Variants in NOMO1 observed in about 807,000 individuals in gnomAD.
NOMO1 encodes the protein nodal modulator 3.
In NOMO1, 40 loss-of-function variants were observed where a neutral mutation model predicts 133.8. The ratio of observed to expected loss-of-function variants is 0.30; its 90% CI spans 0.23 to 0.39. The LOEUF (loss-of-function observed/expected upper bound fraction) is 0.39, where lower values mean the gene tolerates loss of function less well. Ranked by LOEUF, NOMO1 falls within the 10% of genes least tolerant of loss-of-function variation. The pLI is 1.00. For missense variants in NOMO1, 462 were observed against 1,419.9 expected (o/e 0.33, Z 10.84); for synonymous variants, 236 against 570.5 (o/e 0.41, Z 8.36).
intron 2 of NOMO1, among the ~76,000 whole-genome samples, chr16:14,839,748 T>TC (rs1963577223): frequency 6.6e-6 from 1 of 151,778 alleles, no homozygotes; most frequent in Non-Finnish European, 1.5e-5. Flanking sequence ...GACTTTTTTT[T>TC]CTTTTTTTTT....
Position 14,866,592 on chromosome 16 carries a change from G to C in NOMO1, c.1707G>C (p.Lys569Asn). 1 of 1,610,162 alleles carries C rather than the reference G, an allele frequency of 6.2e-7. No individual in the cohort carries two copies. The highest frequency in any genetic ancestry group is 8.5e-7 in the Non-Finnish European group (1 of 1,179,764). Residue 569 changes from lysine to asparagine, a missense_variant, in exon 15 of 31, where the codon AAG becomes AAC. Lys to Asn is a moderately conservative substitution (Grantham distance 94, BLOSUM62 0). Transcript: ENST00000287667. ...ATGAGGATTGGTGCTGGAAGAACAAGAGCCTGGAGGTGGAAGTGCTGGAGG... is the reference window on the plus strand; with the variant it reads ...ATGAGGATTGGTGCTGGAAGAACAACAGCCTGGAGGTGGAAGTGCTGGAGG... Reference protein sequence around the residue: ...IMHEDWCWKNKSLEVEVLEDD... With the variant: ...IMHEDWCWKNNSLEVEVLEDD...
chr16:14,866,519 C>A (rs571474187), intron 14 of NOMO1, 36 bp from the exon 15 acceptor site: 36 of 1,610,060 alleles, frequency 2.2e-5, no homozygotes, highest in Non-Finnish European at 3.0e-5. Flanking sequence ...GTGTGCTCCA[C>A]GCCCATGTAT....
intron 22 of NOMO1, among the ~76,000 whole-genome samples, chr16:14,878,493 C>T (rs1412988082): frequency 5.1e-5 from 2 of 39,040 alleles, no homozygotes; most frequent in East Asian, 2.2e-3. Flanking sequence ...GACCCTGTCT[C>T]AAAAAAAAAA....
At chr16:14,839,275 C>A (rs985444891) in intron 2 of NOMO1, among the ~76,000 whole-genome samples, 3 of 151,822 alleles carry the variant, frequency 2.0e-5, no homozygotes, top group African/African-American at 7.3e-5. Flanking sequence ...AGGCTGGTCT[C>A]GAACTCCTGA....
At chr16:14,873,361 G>C (rs1964105868) in intron 18 of NOMO1, among the ~76,000 whole-genome samples, 1 of 132,006 alleles carries the variant, frequency 7.6e-6, no homozygotes, top group African/African-American at 2.6e-5. Flanking sequence ...AGTGGGAGGT[G>C]GTGGAGGCAG....
chr16:14,843,694 G>A (rs1293985995), intron 3 of NOMO1, among the ~76,000 whole-genome samples: 1 of 143,874 alleles, frequency 7.0e-6, no homozygotes, highest in Non-Finnish European at 1.5e-5. Context: ...CAAGTCTTTT[G>A]CCCATTTTTT....
At chr16:14,871,518 G>C in intron 16 of NOMO1, 103 bp from the exon 17 acceptor site, 1 of 1,552,546 alleles carries the variant, frequency 6.4e-7, no homozygotes, top group Non-Finnish European at 8.7e-7. Flanking sequence ...CGATACGTTT[G>C]AGTTTTCACA....
At chr16:14,842,773 A>C (rs1003813650) in intron 3 of NOMO1, among the ~76,000 whole-genome samples, 2 of 150,506 alleles carry the variant, frequency 1.3e-5, no homozygotes, top group South Asian at 4.2e-4. Context: ...TACAAATGCT[A>C]TCATGCAGGG....
intron 1 of NOMO1, among the ~76,000 whole-genome samples, chr16:14,835,412 T>C (rs1881114653): frequency 6.6e-6 from 1 of 150,926 alleles, no homozygotes; most frequent in African/African-American, 2.5e-5. Context: ...GGTATGGCTG[T>C]AGACGGCACA....
At chr16:14,875,556 A>C (rs1964146170) in intron 20 of NOMO1, 134 bp downstream of exon 20, 2 of 928,400 alleles carry the variant, frequency 2.2e-6, no homozygotes, top group East Asian at 2.5e-5. Context: ...TGGCACACAG[A>C]TGTTACTGTT....
At chr16:14,843,028 G>C (rs1963629043) in intron 3 of NOMO1, among the ~76,000 whole-genome samples, 1 of 137,730 alleles carries the variant, frequency 7.3e-6, no homozygotes, top group Admixed American at 7.5e-5. Context: ...AGCAATTCTT[G>C]TGCCTCAGCC....
At chr16:14,850,344 A>T (rs1293827175) in intron 6 of NOMO1, among the ~76,000 whole-genome samples, 1 of 151,958 alleles carries the variant, frequency 6.6e-6, no homozygotes, top group Non-Finnish European at 1.5e-5. Flanking sequence ...TGACTTCTAG[A>T]GAAAGAGGGA....
intron 18 of NOMO1, 33 bp from the exon 19 acceptor site, chr16:14,875,003 G>A (rs746117613): frequency 3.0e-5 from 48 of 1,613,692 alleles, no homozygotes; most frequent in Non-Finnish European, 4.0e-5. Context: ...ACAAGGATAC[G>A]CAACTATGTC....
At chr16:14,855,612 A>C (rs1963822698) in intron 9 of NOMO1, among the ~76,000 whole-genome samples, 1 of 151,938 alleles carries the variant, frequency 6.6e-6, no homozygotes, top group African/African-American at 2.4e-5. Context: ...ACTGGAGGGG[A>C]AAGAGAAGGG....
intron 2 of NOMO1, 22 bp downstream of exon 2, chr16:14,838,518 C>A: frequency 6.2e-7 from 1 of 1,611,800 alleles, no homozygotes; most frequent in Non-Finnish European, 8.5e-7. Flanking sequence ...CTGCTTGTCA[C>A]TTATGATGGG....
At chr16:14,881,927 T>TA (rs1408682065) in intron 25 of NOMO1, among the ~76,000 whole-genome samples, 42 of 55,754 alleles carry the variant, frequency 7.5e-4, no homozygotes, top group Non-Finnish European at 1.1e-3. Flanking sequence ...GGCTTTTCCC[T>TA]AGCAGTGTGT....
intron 3 of NOMO1, among the ~76,000 whole-genome samples, chr16:14,842,009 G>A (rs894001841): frequency 1.1e-4 from 16 of 152,060 alleles, no homozygotes; most frequent in Middle Eastern, 3.4e-3. Context: ...GGGCTGGCAC[G>A]TAATTAGCAA....
At chr16:14,866,488 C>T (rs893499866) in intron 14 of NOMO1, 67 bp from the exon 15 acceptor site, 30 of 1,609,756 alleles carry the variant, frequency 1.9e-5, no homozygotes, top group Non-Finnish European at 2.4e-5. Flanking sequence ...ATCATTGTTT[C>T]TGGTGGCGTG....
In NOMO1 at chr16:14,852,894, G is replaced by A. The variant is rs932444436; in HGVS notation, c.735+312G>A. Among the ~76,000 whole-genome samples the A allele has an allele frequency of 5.4e-5, 8 of 147,908 alleles. 1 individual carries two copies. Among genetic ancestry groups the A allele is most frequent in the Admixed American group, 1.3e-4 (2 of 14,948 alleles). ...GGCACGTGCCTGTAGTCCCAGCTGC[G>A]TGGGAGGCTGAGGCAGTAGAATCGC... is the stretch of plus-strand genomic sequence containing the variant. On this transcript the variant is annotated intron_variant, in intron 7 of 30. Coordinates refer to ENST00000287667, the MANE Select transcript of NOMO1 (RefSeq NM_014287.4).
Sources: allele counts gnomAD v4.1 joint callset (sites outside exome capture counted in the v4.1 genomes callset), GRCh38; gene constraint gnomAD v4.1.1; transcripts MANE v1.5; gene names NCBI Gene and HGNC (gene_info 2026-07-23, HGNC 2026-07-21).